The following ZNF596 variants were observed in gnomAD, a reference collection of about 807,000 sequenced individuals.
ZNF596 encodes the protein zinc finger protein 596.
In ZNF596, 45 loss-of-function variants were observed where a neutral mutation model predicts 48.3. That is an observed-to-expected ratio of 0.93 (90% confidence interval 0.73 to 1.19). The LOEUF is 1.19. Among genes scored for constraint, ZNF596 ranks in the 50% most tolerant of loss-of-function variants. ZNF596 has a pLI of 0.00. For synonymous variants in ZNF596, 270 were observed against 202.0 expected (o/e 1.34, Z -2.85); for missense variants, 848 against 599.7 (o/e 1.41, Z -4.32).
At chr8:240,781 G>T (rs1796821330) in intron 1 of ZNF596, 43 bp from the exon 2 acceptor site, 1 of 1,317,462 alleles carries the variant, frequency 7.6e-7, no homozygotes, top group Non-Finnish European at 1.1e-6. Flanking sequence ...AAGCAAAACT[G>T]GAGTGTCATG....
chr8:240,598 C>A, intron 1 of ZNF596: 1 of 394,640 alleles, frequency 2.5e-6, no homozygotes, highest in Non-Finnish European at 4.5e-6. Flanking sequence ...GCATATGAAA[C>A]TCCATGATTT....
chr8:246,389 A>G lies in ZNF596; in HGVS notation c.*27A>G, dbSNP rs1797092458. ...AATCATCAGCTGTAGCGTTAACACT[A>G]AATACACCAAGGACAAACATACTAC... On this transcript the variant is annotated 3_prime_UTR_variant, in exon 6 of 6. Transcript: ENST00000398612. 2 of 1,541,640 alleles carry G rather than the reference A, an allele frequency of 1.3e-6. No homozygotes were observed. Among genetic ancestry groups the G allele is most frequent in the East Asian group, 2.2e-5 (1 of 44,460 alleles).
intron 1 of ZNF596, among the ~76,000 whole-genome samples, chr8:235,381 T>G (rs948977070): frequency 2.0e-5 from 3 of 152,156 alleles, no homozygotes; most frequent in Non-Finnish European, 2.9e-5. Flanking sequence ...TAATGTAATA[T>G]ATTCTAGCAA....
intron 1 of ZNF596, among the ~76,000 whole-genome samples, chr8:235,890 CTT>C (rs947425447): frequency 2.6e-5 from 4 of 152,016 alleles, no homozygotes; most frequent in Non-Finnish European, 5.9e-5. Context: ...AATTTGACAA[CTT>C]TATTTTTTTC....
chr8:239,533 C>T (rs906097510), intron 1 of ZNF596, among the ~76,000 whole-genome samples: 13 of 152,160 alleles, frequency 8.5e-5, no homozygotes, highest in South Asian at 2.1e-4. Flanking sequence ...TAGGGTTTAG[C>T]AGCTCACAGA....
In ZNF596 at chr8:246,670, T is replaced by G; in HGVS notation, c.*308T>G. On this transcript the variant is annotated 3_prime_UTR_variant, in exon 6 of 6. Coordinates refer to ENST00000398612, the MANE Select transcript of ZNF596 (RefSeq NM_001042416.3). ...ACGAAAATTCTGTGCCTGTCGTCAG[T>G]GTGAAAATGCCTTTGCTGATAATTT... 3.9e-6 allele frequency: 1 copy of G among 253,896 alleles called. No individual in the cohort carries two copies. Among genetic ancestry groups the G allele is most frequent in the Non-Finnish European group, 7.5e-6 (1 of 133,904 alleles). 15.7% of individuals were successfully genotyped at this position (253,896 alleles called of 1,614,324 possible).
intron 2 of ZNF596, among the ~76,000 whole-genome samples, chr8:241,474 A>G (rs1796852082): frequency 6.6e-6 from 1 of 152,204 alleles, no homozygotes; most frequent in South Asian, 2.1e-4. Flanking sequence ...TGAACTTTTG[A>G]AAAACTTAAA....
chr8:244,340 G>T (rs1364182176), intron 4 of ZNF596: 10 of 386,846 alleles, frequency 2.6e-5, no homozygotes, highest in Non-Finnish European at 4.6e-5. Context: ...GGGGATATTT[G>T]TGTACTTATT....
At position 246,438 on chromosome 8, in the gene ZNF596, T is replaced by A; in HGVS notation, c.*76T>A. ...ACAGGAATATTATGTCTGTAATCAG[T>A]GTGGAAAAGCCTTTATTTATATTTA... On this transcript the variant is annotated 3_prime_UTR_variant, in exon 6 of 6. Coordinates refer to ENST00000398612, the MANE Select transcript of ZNF596 (RefSeq NM_001042416.3). 6.7e-7 allele frequency: 1 copy of A among 1,495,898 alleles called. No individual in the cohort carries two copies. Among genetic ancestry groups the A allele is most frequent in the South Asian group, 1.4e-5 (1 of 72,420 alleles). 92.7% of individuals were successfully genotyped at this position (1,495,898 alleles called of 1,614,324 possible).
intron 1 of ZNF596, chr8:233,771 G>A (rs1463267954): frequency 6.6e-6 from 1 of 152,216 alleles, no homozygotes; most frequent in Non-Finnish European, 1.5e-5. Flanking sequence ...ATGACTTAAT[G>A]TGATGTTCTG....
At chr8:238,376 G>A (rs1202035015) in intron 1 of ZNF596, among the ~76,000 whole-genome samples, 1 of 151,996 alleles carries the variant, frequency 6.6e-6, no homozygotes, top group Non-Finnish European at 1.5e-5. Context: ...CAGCTCTAAG[G>A]AAAAATACAG....
chr8:242,672 A>G (rs1584910793), intron 2 of ZNF596, among the ~76,000 whole-genome samples: 1 of 152,228 alleles, frequency 6.6e-6, no homozygotes, highest in East Asian at 1.9e-4. Flanking sequence ...GCCACACCAC[A>G]TGTGATATTT....
intron 1 of ZNF596, among the ~76,000 whole-genome samples, chr8:238,233 G>A (rs769950878): frequency 1.3e-5 from 2 of 152,090 alleles, no homozygotes; most frequent in Non-Finnish European, 2.9e-5. Flanking sequence ...GAGGTTTATG[G>A]TGGCCCCCAT....
At chr8:240,488 G>C (rs900998903) in intron 1 of ZNF596, 1 of 188,166 alleles carries the variant, frequency 5.3e-6, no homozygotes, top group East Asian at 1.4e-4. Context: ...GAAATTCCAG[G>C]ATTTATCTGT....
rs1584907907 is a variant in ZNF596, at chr8:240,830, C to A, written c.-66C>A. 6.2e-7 allele frequency: 1 copy of A among 1,600,354 alleles called. No individual in the cohort carries two copies. Among genetic ancestry groups the A allele is most frequent in the Non-Finnish European group, 8.6e-7 (1 of 1,167,872 alleles). On this transcript the variant is annotated 5_prime_UTR_variant, in exon 2 of 6. Transcript: ENST00000398612. ...TGTTTTTGTTTTTGCTCAGATTTGT[C>A]TTCTTAGTGCTTGGATGGTGTGAGT... is the stretch of plus-strand genomic sequence containing the variant.
chr8:236,899 T>C (rs1453496128), intron 1 of ZNF596: 2 of 152,228 alleles, frequency 1.3e-5, no homozygotes, highest in African/African-American at 4.8e-5. Context: ...CATGTTCATT[T>C]TGATTAGCAT....
At position 246,377 on chromosome 8, in the gene ZNF596, A is replaced by G. The variant is rs1419332273; in HGVS notation, c.*15A>G. ...TGAATATGTAAGAATCATCAGCTGT[A>G]GCGTTAACACTAAATACACCAAGGA... On this transcript the variant is annotated 3_prime_UTR_variant, in exon 6 of 6. Coordinates refer to ENST00000398612, the MANE Select transcript of ZNF596 (RefSeq NM_001042416.3). 1 of 1,560,530 alleles carries G rather than the reference A, an allele frequency of 6.4e-7. No homozygotes were observed. Among genetic ancestry groups the G allele is most frequent in the South Asian group, 1.2e-5 (1 of 80,382 alleles).
rs771428439 is a variant in ZNF596 at position 245,418 on chromosome 8, A to C, written c.571A>C (p.Arg191=). The C allele has an allele frequency of 6.2e-7, 1 of 1,614,200 alleles. No homozygotes were observed. The highest frequency in any genetic ancestry group is 8.5e-7 in the Non-Finnish European group (1 of 1,180,018). ...ALRPHSVTHT[R]EITLECRVCG... ...TAGACCACACAGTGTGACTCACACT[A>C]GAGAGATAACATTGGAATGTCGTGT... is the stretch of plus-strand genomic sequence containing the variant. Residue 191 remains arginine (R), a synonymous_variant, in exon 6 of 6, where the codon AGA becomes CGA. Coordinates refer to ENST00000398612, the MANE Select transcript of ZNF596 (RefSeq NM_001042416.3).
chr8:246,129 T>C lies in ZNF596; in HGVS notation c.1282T>C (p.Phe428Leu). ...TGAATGCCATCTATGCGGAAAAGCC[T>C]TCAATCACTCTTCTGTCCTTAGACG... ...PYECHLCGKA[F>L]NHSSVLRRHE... Residue 428 changes from phenylalanine to leucine, a missense_variant, in exon 6 of 6, where the codon TTC becomes CTC. Coordinates refer to ENST00000398612, the MANE Select transcript of ZNF596 (RefSeq NM_001042416.3). The C allele has an allele frequency of 1.2e-6, 2 of 1,613,516 alleles. No homozygotes were observed. Among genetic ancestry groups the C allele is most frequent in the African/African-American group, 2.7e-5 (2 of 75,042 alleles).
Sources: gnomAD v4.1 joint callset for allele counts (sites outside exome capture counted in the v4.1 genomes callset) on GRCh38, gnomAD v4.1.1 for gene constraint, MANE v1.5 for transcripts, NCBI Gene and HGNC (gene_info 2026-07-23, HGNC 2026-07-21) for gene names.